Variants in HSPA4 observed in about 807,000 individuals in gnomAD.
The protein encoded by HSPA4 is heat shock 70 kDa protein 4.
In HSPA4, 25 loss-of-function variants were observed where a neutral mutation model predicts 106.2. The ratio of observed to expected loss-of-function variants is 0.24; its 90% CI spans 0.17 to 0.33. The LOEUF is 0.33. Ranked by LOEUF, HSPA4 falls within the 10% of genes least tolerant of loss-of-function variation. The pLI is 1.00. For missense variants in HSPA4, 841 were observed against 996.0 expected, an observed-to-expected ratio of 0.84 and a Z score of 2.10; for synonymous variants, 332 against 333.6, an observed-to-expected ratio of 1.00 and a Z score of 0.05.
intron 13 of HSPA4, 133 bp from the exon 14 acceptor site, chr5:133,095,965 G>T: frequency 1.6e-6 from 1 of 636,110 alleles, no homozygotes; most frequent in Non-Finnish European, 2.6e-6. Context: ...TGTTATGGTA[G>T]TCCTAAGTTA....
chr5:133,087,695 C>T (rs1038245040), intron 8 of HSPA4, among the ~76,000 whole-genome samples: 2 of 152,202 alleles, frequency 1.3e-5, no homozygotes, highest in Non-Finnish European at 2.9e-5. Flanking sequence ...TCAATCTCAG[C>T]TCACTGCAAC....
In HSPA4 at chr5:133,052,376, T is replaced by A; in HGVS notation, c.107+19T>A. 1 of 1,465,854 alleles carries A rather than the reference T, an allele frequency of 6.8e-7. No homozygotes were observed. Among genetic ancestry groups the A allele is most frequent in the Non-Finnish European group, 9.2e-7 (1 of 1,084,622 alleles). The allele number at this position is 1,465,854 out of a possible 1,614,324, so 90.8% of individuals were successfully genotyped here. A position where few individuals can be genotyped will look rare whatever the true frequency, so the allele number is the denominator to read the frequency against. On this transcript the variant is annotated intron_variant, in intron 1 of 18. Coordinates refer to ENST00000304858, the MANE Select transcript of HSPA4 (RefSeq NM_002154.4). ...GCACGCCGTAAGTGTGGGCCGGGCC[T>A]GCCGCGTGCACTGGGGTTAGGAGAT... is the stretch of plus-strand genomic sequence containing the variant.
chr5:133,094,218 G>A (rs867128197), intron 13 of HSPA4, among the ~76,000 whole-genome samples: 2 of 152,176 alleles, frequency 1.3e-5, no homozygotes, highest in African/African-American at 4.8e-5. Context: ...TTAATTTTGA[G>A]TTGTCATGTT....
chr5:133,063,256 G>GT lies in HSPA4; in HGVS notation c.108-1723dup, dbSNP rs1213633423. ...GACTGCCCCATAGCTGGGATTACAG[G>GT]TGCTCACCACCATGCCCAGCTAATT... is the stretch of plus-strand genomic sequence containing the variant. On this transcript the variant is annotated intron_variant, in intron 1 of 18. Coordinates refer to ENST00000304858, the MANE Select transcript of HSPA4 (RefSeq NM_002154.4). Among the ~76,000 whole-genome samples, 4 of 151,746 alleles carry GT rather than the reference G, an allele frequency of 2.6e-5. No individual in the cohort carries two copies. In the East Asian group the frequency reaches 7.8e-4, roughly 30 times the overall value.
At chr5:133,067,355 G>A in intron 2 of HSPA4, 62 bp from the exon 3 acceptor site, 3 of 1,343,018 alleles carry the variant, frequency 2.2e-6, no homozygotes, top group Non-Finnish European at 3.1e-6. Flanking sequence ...TTAATCTGAG[G>A]CTGTTGAAAT....
At chr5:133,077,390 A>C (rs1765458958) in intron 7 of HSPA4, among the ~76,000 whole-genome samples, 1 of 152,140 alleles carries the variant, frequency 6.6e-6, no homozygotes, top group Non-Finnish European at 1.5e-5. Flanking sequence ...GGTGCCTGCC[A>C]CCACGCCCAG....
intron 16 of HSPA4, among the ~76,000 whole-genome samples, chr5:133,101,104 C>A (rs946653127): frequency 6.6e-6 from 1 of 152,188 alleles, no homozygotes; most frequent in Admixed American, 6.5e-5. Flanking sequence ...CCGAACCTGA[C>A]CAAGCACATC....
intron 3 of HSPA4, 122 bp downstream of exon 3, chr5:133,067,679 A>G: frequency 2.3e-6 from 2 of 852,178 alleles, no homozygotes; most frequent in Non-Finnish European, 3.6e-6. Context: ...GCTTAGGGAA[A>G]GCTTTTTTCT....
At chr5:133,091,637 A>T (rs1765648822) in intron 12 of HSPA4, among the ~76,000 whole-genome samples, 1 of 152,188 alleles carries the variant, frequency 6.6e-6, no homozygotes, top group Non-Finnish European at 1.5e-5. Flanking sequence ...TGGTTGTTGA[A>T]GAGTGCTCTG....
intron 1 of HSPA4, among the ~76,000 whole-genome samples, chr5:133,055,715 C>T (rs1204235189): frequency 6.6e-6 from 1 of 152,008 alleles, no homozygotes; most frequent in Non-Finnish European, 1.5e-5. Context: ...TAATTACTAA[C>T]TGTGGTAAAG....
At position 133,089,655 on chromosome 5, in the gene HSPA4, C is replaced by T. The variant is rs761259976; in HGVS notation, c.1338C>T (p.Tyr446=). The T allele has an allele frequency of 6.2e-6, 10 of 1,610,526 alleles. No homozygotes were observed. Among genetic ancestry groups the T allele is most frequent in the Non-Finnish European group, 8.5e-6 (10 of 1,177,862 alleles). ...RKEPFTLEAY[Y]SSPQDLPYPD... Reference sequence around the variant, plus strand: ...AACCTTTCACTCTTGAGGCCTACTACAGCTCTCCTCAGGATTTGCCCTATC... The same window carrying T: ...AACCTTTCACTCTTGAGGCCTACTATAGCTCTCCTCAGGATTTGCCCTATC... The change falls in exon 11 of 19, where the codon TAC becomes TAT. Residue 446 remains tyrosine (Y), a synonymous_variant. Transcript: ENST00000304858.
intron 17 of HSPA4, among the ~76,000 whole-genome samples, chr5:133,102,932 A>G (rs1165471827): frequency 6.3e-5 from 2 of 31,800 alleles, no homozygotes; most frequent in East Asian, 6.2e-4. Context: ...TTTTTTTTTG[A>G]GATGGCATTT....
At chr5:133,056,680 A>G (rs966258180) in intron 1 of HSPA4, among the ~76,000 whole-genome samples, 1 of 152,230 alleles carries the variant, frequency 6.6e-6, no homozygotes, top group African/African-American at 2.4e-5. Context: ...TTTATGTTGT[A>G]ATGTTAATGC....
chr5:133,061,213 G>A (rs1407908475), intron 1 of HSPA4, among the ~76,000 whole-genome samples: 1 of 150,066 alleles, frequency 6.7e-6, no homozygotes, highest in Non-Finnish European at 1.5e-5. Context: ...AGCTCCACCT[G>A]CTGGGTTCAC....
Position 133,073,884 on chromosome 5 carries a change from CAT to C in HSPA4, c.530-107_530-106del, listed in dbSNP as rs370888756. On this transcript the variant is annotated intron_variant, in intron 5 of 18. Transcript: ENST00000304858. ...CTTATAAAGAATTTGATTTCTAAAACATAACACATGTAGTTGCATTCGTTATA... is the reference window on the plus strand; with the variant it reads ...CTTATAAAGAATTTGATTTCTAAAACAACACATGTAGTTGCATTCGTTATA... 9.3e-4 allele frequency: 568 copies of C among 613,226 alleles called. 5 individuals are homozygous for C. In the African/African-American group the frequency reaches 9.7e-3, roughly 10 times the overall value. The allele number at this position is 613,226 out of a possible 1,614,324, so 38.0% of individuals were successfully genotyped here.
chr5:133,094,081 G>A (rs775760999), intron 13 of HSPA4, among the ~76,000 whole-genome samples: 9 of 152,154 alleles, frequency 5.9e-5, no homozygotes, highest in Non-Finnish European at 1.0e-4. Context: ...GACAGAGCAA[G>A]ACTCCATCTT....
intron 8 of HSPA4, 86 bp from the exon 9 acceptor site, chr5:133,088,318 G>T: frequency 1.1e-6 from 1 of 949,844 alleles, no homozygotes; most frequent in Non-Finnish European, 1.6e-6. Context: ...GAGGAGTTTT[G>T]TTACACATCT....
chr5:133,065,303 C>G (rs539614343), intron 2 of HSPA4, among the ~76,000 whole-genome samples: 1 of 152,130 alleles, frequency 6.6e-6, no homozygotes, highest in Non-Finnish European at 1.5e-5. Context: ...TGAAAACAAT[C>G]CAGTGTAACA....
At chr5:133,056,241 C>T (rs942592497) in intron 1 of HSPA4, among the ~76,000 whole-genome samples, 3 of 152,114 alleles carry the variant, frequency 2.0e-5, no homozygotes, top group African/African-American at 7.2e-5. Context: ...ATCCTTGATA[C>T]ATTGAAGAGC....
Sources: gnomAD v4.1 joint callset for allele counts (sites outside exome capture counted in the v4.1 genomes callset) on GRCh38, gnomAD v4.1.1 for gene constraint, MANE v1.5 for transcripts, NCBI Gene and HGNC (gene_info 2026-07-23, HGNC 2026-07-21) for gene names.